Variants in ELP4 observed in about 807,000 individuals in gnomAD.
The protein encoded by ELP4 is elongator acetyltransferase complex subunit 4.
In ELP4, 51 loss-of-function variants were observed where a neutral mutation model predicts 48.9. The observed-to-expected ratio is 1.04, with a 90% confidence interval of 0.83 to 1.32. ELP4 has a LOEUF of 1.32. ELP4 is among the 40% of genes most tolerant of loss of function. The pLI is 0.00. For missense variants in ELP4, 519 were observed against 514.6 expected (o/e 1.01, Z -0.08); for synonymous variants, 210 against 189.2 (o/e 1.11, Z -0.90).
rs570014715 is a variant in ELP4, at chr11:31,656,358, A to G, written c.1143+6137A>G. ...TTCCTGTTAGTTTGGCTGGCAGAAC[A>G]TCATTGCTTCATTTGGCAAGGAAGA... On this transcript the variant is annotated intron_variant, in intron 9 of 9. Coordinates refer to ENST00000640961, the MANE Select transcript of ELP4 (RefSeq NM_019040.5). Among the ~76,000 whole-genome samples, 6 of 152,106 alleles carry G rather than the reference A, an allele frequency of 3.9e-5. No homozygotes were observed. The South Asian group carries it at 8.3e-4, about 21-fold the overall frequency.
chr11:31,676,186 C>T (rs1392007074), intron 9 of ELP4, among the ~76,000 whole-genome samples: 1 of 152,124 alleles, frequency 6.6e-6, no homozygotes, highest in Non-Finnish European at 1.5e-5. Flanking sequence ...GCCTCAGGGC[C>T]TTTGCTGCCT....
chr11:31,528,634 T>A (rs1956338551), intron 2 of ELP4, among the ~76,000 whole-genome samples: 1 of 152,142 alleles, frequency 6.6e-6, no homozygotes, highest in South Asian at 2.1e-4. Context: ...CTGTGCTATA[T>A]ACATGTGTAG....
intron 9 of ELP4, among the ~76,000 whole-genome samples, chr11:31,691,368 T>C (rs1946277170): frequency 6.6e-6 from 1 of 152,116 alleles, no homozygotes; most frequent in African/African-American, 2.4e-5. Context: ...CACTTAGATA[T>C]AATATATCTA....
chr11:31,647,812 TGA>T lies in ELP4; in HGVS notation c.1006_1007del (p.Glu336AsnfsTer2). On this transcript the variant is annotated frameshift_variant, in exon 8 of 10. Coordinates refer to ENST00000640961, the MANE Select transcript of ELP4 (RefSeq NM_019040.5). LOFTEE classifies it high-confidence loss of function. Reference protein sequence around the residue: ...VVGLESFIGSERETNPLYKDY... With the variant: ...VVGLESFIGSXRETNPLYKDY... ...TTGGTCTGGAATCATTTATTGGTTC[TGA>T]GAGAGAAACTAACCCATTGTATAAG... The T allele has an allele frequency of 6.2e-7, 1 of 1,608,530 alleles. No homozygotes were observed. The highest frequency in any genetic ancestry group is 8.5e-7 in the Non-Finnish European group (1 of 1,175,882).
rs376912655 is a variant in ELP4 at position 31,603,860 on chromosome 11, A to T, written c.606A>T (p.Gly202=). ...QELIEASNWH[G]FFLPEKISST... is the part of the protein sequence containing the mutation. ...TAATTGAGGCTTCAAATTGGCATGGATTTTTTCTTCCAGAGAAAATATCTT... is the reference window on the plus strand; with the variant it reads ...TAATTGAGGCTTCAAATTGGCATGGTTTTTTTCTTCCAGAGAAAATATCTT... The change falls in exon 5 of 10, where the codon GGA becomes GGT. Residue 202 remains glycine (G), a synonymous_variant. Coordinates refer to ENST00000640961, the MANE Select transcript of ELP4 (RefSeq NM_019040.5). The T allele has an allele frequency of 6.1e-4, 977 of 1,611,780 alleles. 6 individuals are homozygous for T. Among genetic ancestry groups the T allele is most frequent in the Non-Finnish European group, 6.3e-4 (737 of 1,178,548 alleles).
intron 3 of ELP4, among the ~76,000 whole-genome samples, chr11:31,567,257 A>C (rs1010403123): frequency 6.6e-6 from 1 of 152,122 alleles, no homozygotes; most frequent in Non-Finnish European, 1.5e-5. Flanking sequence ...AAGGTGATGC[A>C]ATATTGTACC....
rs58093641 is a variant in ELP4 at position 31,597,952 on chromosome 11, CTTTTTT to C, written c.513+3067_513+3072del. Among the ~76,000 whole-genome samples, 4 of 96,298 alleles carry C rather than the reference CTTTTTT, an allele frequency of 4.2e-5. No homozygotes were observed. In the Admixed American group the frequency reaches 5.6e-4, roughly 14 times the overall value. 63.2% of individuals were successfully genotyped at this position (96,298 alleles called of 152,430 possible). On this transcript the variant is annotated intron_variant, in intron 4 of 9. Transcript: ENST00000640961. Reference sequence around the variant, plus strand: ...GTAACTAAAGCTTTAAGCCTTTTCTCTTTTTTTTTTTTTTTTTTTTTGAGATGGAGT... The same window carrying C: ...GTAACTAAAGCTTTAAGCCTTTTCTCTTTTTTTTTTTTTTTGAGATGGAGT...
At chr11:31,667,420 TG>T (rs2134100330) in intron 9 of ELP4, among the ~76,000 whole-genome samples, 1 of 152,322 alleles carries the variant, frequency 6.6e-6, no homozygotes, top group African/African-American at 2.4e-5. Context: ...TGGAAGTTTA[TG>T]GAAATTAATC....
intron 6 of ELP4, among the ~76,000 whole-genome samples, chr11:31,631,165 A>G (rs777591703): frequency 6.6e-6 from 1 of 152,092 alleles, no homozygotes; most frequent in Non-Finnish European, 1.5e-5. Context: ...AAAGAAATAC[A>G]CAAATTCAGT....
At chr11:31,518,753 G>A (rs1206674234) in intron 1 of ELP4, among the ~76,000 whole-genome samples, 1 of 151,780 alleles carries the variant, frequency 6.6e-6, no homozygotes, top group Non-Finnish European at 1.5e-5. Context: ...AAAATTAGCT[G>A]GGTGTAGTGG....
intron 9 of ELP4, among the ~76,000 whole-genome samples, chr11:31,766,205 A>G (rs1948036051): frequency 6.6e-6 from 1 of 152,136 alleles, no homozygotes; most frequent in African/African-American, 2.4e-5. Context: ...ATAATAAACC[A>G]ACCTAAAGAG....
Position 31,509,829 on chromosome 11 carries a change from G to A in ELP4, c.45G>A (p.Gly15=), listed in dbSNP as rs369103441. 60 of 1,614,174 alleles carry A rather than the reference G, an allele frequency of 3.7e-5. No homozygotes were observed. In the African/African-American group the frequency reaches 7.5e-4, roughly 20 times the overall value. ...GCGGTAGTGTTGCCGCGAGTACTGG[G>A]TCTGCAGTGGCGACAGCCAGCAAGA... ...ATCGSVAAST[G]SAVATASKSN... Residue 15 remains glycine, a synonymous_variant, in exon 1 of 10, where the codon GGG becomes GGA. Transcript: ENST00000640961.
intron 3 of ELP4, among the ~76,000 whole-genome samples, chr11:31,551,035 A>G (rs1956841582): frequency 6.6e-6 from 1 of 152,212 alleles, no homozygotes; most frequent in South Asian, 2.1e-4. Context: ...CTTCAGGATT[A>G]TGATCGCACT....
intron 7 of ELP4, among the ~76,000 whole-genome samples, chr11:31,641,142 A>G (rs1945085905): frequency 6.6e-6 from 1 of 151,996 alleles, no homozygotes; most frequent in Non-Finnish European, 1.5e-5. Flanking sequence ...AATTTCTTAC[A>G]TATTAGTACA....
intron 2 of ELP4, among the ~76,000 whole-genome samples, chr11:31,537,180 G>A (rs1040378345): frequency 6.6e-6 from 1 of 152,102 alleles, no homozygotes; most frequent in African/African-American, 2.4e-5. Context: ...GGTTTTTGCT[G>A]TTTTTTGATT....
intron 2 of ELP4, among the ~76,000 whole-genome samples, chr11:31,538,575 T>C (rs1956541848): frequency 1.3e-5 from 2 of 151,272 alleles, no homozygotes; most frequent in African/African-American, 4.8e-5. Flanking sequence ...TTGCATCTTA[T>C]CATGTATGAT....
rs147009092 is a variant in ELP4, at chr11:31,729,708, C to G, written c.1144-53685C>G. Among the ~76,000 whole-genome samples, 99 of 152,310 alleles carry G rather than the reference C, an allele frequency of 6.5e-4. No homozygotes were observed. In the Middle Eastern group the frequency reaches 0.02, roughly 31 times the overall value. On this transcript the variant is annotated intron_variant, in intron 9 of 9. Transcript: ENST00000640961. ...TCTTTATACACCCAGCCATTTTCATCAAACAACCAGTTGGCTTATTAATTA... is the reference window on the plus strand; with the variant it reads ...TCTTTATACACCCAGCCATTTTCATGAAACAACCAGTTGGCTTATTAATTA...
chr11:31,627,860 GA>G (rs1209412144), intron 6 of ELP4, among the ~76,000 whole-genome samples: 1 of 152,040 alleles, frequency 6.6e-6, no homozygotes, highest in African/African-American at 2.4e-5. Context: ...TATTTTAGCA[GA>G]AGTATTTCTA....
Position 31,787,717 on chromosome 11 carries a change from G to T in ELP4, c.*4193G>T, listed in dbSNP as rs1592332478. The T allele has an allele frequency of 2.6e-5, 6 of 230,110 alleles. No homozygotes were observed. In the East Asian group the frequency reaches 3.7e-4, roughly 14 times the overall value. 14.3% of individuals were successfully genotyped at this position (230,110 alleles called of 1,614,324 possible). A position where few individuals can be genotyped will look rare whatever the true frequency, so the allele number is the denominator to read the frequency against. On this transcript the variant is annotated 3_prime_UTR_variant, in exon 10 of 10. Coordinates refer to ENST00000640961, the MANE Select transcript of ELP4 (RefSeq NM_019040.5). ...ACATACAAAAACTGCAACTTAGGAAGGTGTCTCCAAATGTGCAGCAACTCT... is the reference window on the plus strand; with the variant it reads ...ACATACAAAAACTGCAACTTAGGAATGTGTCTCCAAATGTGCAGCAACTCT...
Sources: allele counts gnomAD v4.1 joint callset (sites outside exome capture counted in the v4.1 genomes callset), GRCh38; gene constraint gnomAD v4.1.1; transcripts MANE v1.5; gene names NCBI Gene and HGNC (gene_info 2026-07-23, HGNC 2026-07-21).